Variants in CUL3 observed in about 807,000 individuals in gnomAD.
The protein encoded by CUL3 is cullin-3.
A neutral mutation model predicts 89.1 loss-of-function variants in CUL3; 19 were observed. The observed-to-expected ratio is 0.21, with a 90% CI of 0.15 to 0.31. The LOEUF (loss-of-function observed/expected upper bound fraction) is 0.31. Ranked by LOEUF, CUL3 falls within the 10% of genes least tolerant of loss-of-function variation. The pLI, the probability that CUL3 is intolerant of heterozygous loss-of-function variation, is 1.00. For synonymous variants in CUL3, 351 were observed against 308.4 expected (o/e 1.14, Z -1.45); for missense variants, 469 against 942.3 (o/e 0.50, Z 6.58).
Position 224,478,182 on chromosome 2 carries a change from G to A in CUL3, c.2175+18C>T, listed in dbSNP as rs1691392946. The A allele has an allele frequency of 1.3e-6, 2 of 1,595,904 alleles. No homozygotes were observed. Among genetic ancestry groups the A allele is most frequent in the South Asian group, 2.3e-5 (2 of 87,558 alleles). On this transcript the variant is annotated intron_variant, in intron 15 of 15. Coordinates refer to ENST00000264414, the MANE Select transcript of CUL3 (RefSeq NM_003590.5). ...TTACTGTTTTTTCTATATTAGCCCA[G>A]TAGTGAAGAGTCCTCACCTCCGCTA... is the stretch of plus-strand genomic sequence containing the variant.
chr2:224,544,449 G>A (rs562590602), intron 2 of CUL3, among the ~76,000 whole-genome samples: 74 of 151,866 alleles, frequency 4.9e-4, no homozygotes, highest in Admixed American at 2.0e-4. Context: ...CTTTATTAAC[G>A]ATGGATAAGT....
chr2:224,555,679 C>G (rs1352060042), intron 2 of CUL3, among the ~76,000 whole-genome samples: 3 of 152,126 alleles, frequency 2.0e-5, no homozygotes, highest in African/African-American at 7.2e-5. Context: ...TTTAACCAAC[C>G]AGTTCATCTC....
intron 10 of CUL3, among the ~76,000 whole-genome samples, chr2:224,501,720 G>C (rs752480014): frequency 2.0e-5 from 3 of 152,142 alleles, no homozygotes; most frequent in Non-Finnish European, 4.4e-5. Context: ...TGGTGTACTG[G>C]GGGAGGTGGA....
chr2:224,536,187 C>A (rs2106265635), intron 2 of CUL3, among the ~76,000 whole-genome samples: 2 of 152,314 alleles, frequency 1.3e-5, no homozygotes, highest in Middle Eastern at 6.8e-3. Flanking sequence ...GCTAGCAATA[C>A]ACTTAAAACA....
intron 3 of CUL3, among the ~76,000 whole-genome samples, chr2:224,523,979 G>A (rs527318651): frequency 4.1e-4 from 63 of 152,260 alleles, no homozygotes; most frequent in South Asian, 1.5e-3. Context: ...GAATTCTGGA[G>A]AGGATGGTGG....
intron 15 of CUL3, among the ~76,000 whole-genome samples, chr2:224,475,642 A>G (rs1331899335): frequency 6.6e-6 from 1 of 151,988 alleles, no homozygotes; most frequent in Non-Finnish European, 1.5e-5. Flanking sequence ...CTTGCTCTCA[A>G]CCCATCACCT....
intron 1 of CUL3, among the ~76,000 whole-genome samples, chr2:224,583,323 T>G: frequency 6.6e-6 from 1 of 152,130 alleles, no homozygotes; most frequent in Non-Finnish European, 1.5e-5. Flanking sequence ...ATCACGCCAT[T>G]GTACTCCAGC....
intron 1 of CUL3, among the ~76,000 whole-genome samples, chr2:224,582,663 C>CA (rs767398319): frequency 1.5e-4 from 23 of 151,524 alleles, no homozygotes; most frequent in South Asian, 2.1e-4. Flanking sequence ...ACGAAGCTAA[C>CA]AAAAAAAAAT....
chr2:224,503,881 C>A (rs766977347), intron 8 of CUL3, 59 bp from the exon 9 acceptor site: 3 of 1,286,488 alleles, frequency 2.3e-6, no homozygotes, highest in South Asian at 1.7e-5. Context: ...AGCAGTACTA[C>A]GGTTCATTTA....
At chr2:224,560,968 ATTCT>A (rs1559226398) in intron 1 of CUL3, among the ~76,000 whole-genome samples, 1 of 152,150 alleles carries the variant, frequency 6.6e-6, no homozygotes. Flanking sequence ...CGTATTTGCT[ATTCT>A]TTCTGTCTGA....
At position 224,557,876 on chromosome 2, in the gene CUL3, GAA is replaced by G. The variant is rs138387260; in HGVS notation, c.67-22_67-21del. On this transcript the variant is annotated intron_variant, in intron 1 of 15. Transcript: ENST00000264414. Reference sequence around the variant, plus strand: ...GGTCATCTGTAATATCCAAGAGAGAGAAGAGACAAAAAAAAAAAAAAAAAAAA... The same window carrying G: ...GGTCATCTGTAATATCCAAGAGAGAGGAGACAAAAAAAAAAAAAAAAAAAA... 0.022 allele frequency: 3,273 copies of G among 146,674 alleles called. 106 individuals are homozygous for G. The African/African-American group carries it at 0.23, about 10-fold the overall frequency. The allele number at this position is 146,674 out of a possible 1,614,324, so 9.1% of individuals were successfully genotyped here. A position where few individuals can be genotyped will look rare whatever the true frequency, so the allele number is the denominator to read the frequency against.
intron 2 of CUL3, among the ~76,000 whole-genome samples, chr2:224,543,317 A>G (rs941816291): frequency 1.3e-5 from 2 of 152,234 alleles, no homozygotes; most frequent in African/African-American, 2.4e-5. Flanking sequence ...ATTACTGTCC[A>G]TCAAAAAAAT....
chr2:224,483,822 TGACTTTGAGCACGAAA>T, intron 13 of CUL3, among the ~76,000 whole-genome samples: 1 of 152,358 alleles, frequency 6.6e-6, no homozygotes, highest in East Asian at 1.9e-4. Context: ...CATGCATTTC[TGACTTTGAGCACGAAA>T]GCCTGTTTTT....
chr2:224,520,275 G>C (rs1693213878), intron 3 of CUL3, among the ~76,000 whole-genome samples: 1 of 152,160 alleles, frequency 6.6e-6, no homozygotes, highest in African/African-American at 2.4e-5. Context: ...TGGCCAAGCA[G>C]GCCTGCAATG....
In CUL3 at chr2:224,493,760, C is replaced by T. The variant is rs4674915; in HGVS notation, c.1842+2072G>A. Among the ~76,000 whole-genome samples the T allele has an allele frequency of 8.3e-3, 1,258 of 152,152 alleles. 10 individuals are homozygous for T. The highest frequency in any genetic ancestry group is 0.029 in the African/African-American group (1,200 of 41,494). The stretch of plus-strand genomic sequence containing the variant: ...ATCAACTCTAGCATTTACCAAGTAG[C>T]TAATTTTGTTTAAAATATTTTATCC... On this transcript the variant is annotated intron_variant, in intron 13 of 15. Transcript: ENST00000264414.
intron 2 of CUL3, among the ~76,000 whole-genome samples, chr2:224,547,348 T>C (rs533845039): frequency 2.5e-4 from 38 of 152,334 alleles, no homozygotes; most frequent in African/African-American, 8.7e-4. Flanking sequence ...CCATCTATAC[T>C]GATCTATCTC....
intron 2 of CUL3, among the ~76,000 whole-genome samples, chr2:224,538,715 G>C (rs1265604824): frequency 6.6e-6 from 1 of 152,204 alleles, no homozygotes; most frequent in Non-Finnish European, 1.5e-5. Flanking sequence ...CAGAGAAATT[G>C]AGAGCAGGAT....
At chr2:224,481,785 G>A (rs1249792439) in intron 14 of CUL3, 107 bp downstream of exon 14, 3 of 704,918 alleles carry the variant, frequency 4.3e-6, no homozygotes, top group Non-Finnish European at 6.4e-6. Flanking sequence ...TAAGTATCAT[G>A]CAGCACCAGA....
intron 3 of CUL3, among the ~76,000 whole-genome samples, chr2:224,521,303 T>TA (rs1693249354): frequency 6.6e-6 from 1 of 152,216 alleles, no homozygotes; most frequent in South Asian, 2.1e-4. Context: ...ATTCTAAAAC[T>TA]AACCTTTGGG....
Sources: allele counts gnomAD v4.1 joint callset (sites outside exome capture counted in the v4.1 genomes callset), GRCh38; gene constraint gnomAD v4.1.1; transcripts MANE v1.5; gene names NCBI Gene and HGNC (gene_info 2026-07-23, HGNC 2026-07-21).